The following NTRK3 variants were observed in gnomAD, a reference collection of about 807,000 sequenced individuals.
NTRK3 encodes neurotrophic receptor tyrosine kinase 3.
NTRK3 carries 24 observed loss-of-function variants against 91.7 expected under a neutral mutation model. The observed-to-expected ratio is 0.26, with a 90% confidence interval of 0.19 to 0.37. The LOEUF is 0.37. NTRK3 is among the 10% of genes least tolerant of loss of function. NTRK3 has a pLI of 1.00. For missense variants in NTRK3, 880 were observed against 1,068.9 expected (o/e 0.82, Z 2.46); for synonymous variants, 483 against 404.0 (o/e 1.20, Z -2.34).
chr15:87,881,954 G>C (rs1567065866), intron 17 of NTRK3, among the ~76,000 whole-genome samples: 1 of 152,122 alleles, frequency 6.6e-6, no homozygotes, highest in Non-Finnish European at 1.5e-5. Context: ...GGAGTGCAGT[G>C]GCGCGATCTC....
At position 88,255,581 on chromosome 15, in the gene NTRK3, A is replaced by T. The variant is rs59628990; in HGVS notation, c.248+325T>A. Reference sequence around the variant, plus strand: ...CTGTTGCTATTTAGTGGGGAGCAAAAAAAAACAATTTGCACCATCGAAACG... The same window carrying T: ...CTGTTGCTATTTAGTGGGGAGCAAATAAAAACAATTTGCACCATCGAAACG... On this transcript the variant is annotated intron_variant, in intron 3 of 18. Transcript: ENST00000394480. This position sits in a 1 kb window ranked among gnomAD's most constrained non-coding sequence, Gnocchi z 4.3. Among the ~76,000 whole-genome samples the T allele has an allele frequency of 0.15, 23,279 of 152,022 alleles. 2,261 individuals carry two copies. Among genetic ancestry groups the T allele is most frequent in the African/African-American group, 0.27 (11,045 of 41,460 alleles).
intron 14 of NTRK3, among the ~76,000 whole-genome samples, chr15:87,987,717 C>T (rs568228443): frequency 6.6e-6 from 1 of 151,854 alleles, no homozygotes; most frequent in Admixed American, 6.6e-5. Flanking sequence ...AATGTATTCA[C>T]CTTTCCCTTT....
intron 13 of NTRK3, among the ~76,000 whole-genome samples, chr15:88,042,520 C>T (rs1442822100): frequency 1.3e-5 from 2 of 152,220 alleles, no homozygotes; most frequent in South Asian, 2.1e-4. Context: ...CGCACTTCTC[C>T]GCTCCTCTCC....
At chr15:88,074,536 C>G (rs558453294) in intron 13 of NTRK3, among the ~76,000 whole-genome samples, 23 of 152,344 alleles carry the variant, frequency 1.5e-4, no homozygotes, top group Admixed American at 1.4e-3. Context: ...ATGACTCAAG[C>G]TCCGAGAGAA....
At chr15:88,147,532 T>G in intron 5 of NTRK3, 129 bp from the exon 6 acceptor site, 1 of 668,498 alleles carries the variant, frequency 1.5e-6, no homozygotes, top group South Asian at 1.7e-5. Flanking sequence ...TTCTTCTTCT[T>G]CTTCTTCTTC....
rs982022669 is a variant in NTRK3, at chr15:88,240,091, G to A, written c.248+15815C>T. On this transcript the variant is annotated intron_variant, in intron 3 of 18. Transcript: ENST00000394480. This position sits in a 1 kb window ranked among gnomAD's most constrained non-coding sequence, Gnocchi z 4.9. ...ACACACACAGGAACAAGGTTCCCACGCACCTGTGTGCAGGAGCACAGCCCC... is the reference window on the plus strand; with the variant it reads ...ACACACACAGGAACAAGGTTCCCACACACCTGTGTGCAGGAGCACAGCCCC... Among the ~76,000 whole-genome samples the A allele has an allele frequency of 6.6e-6, 1 of 151,444 alleles. No individual in the cohort carries two copies. Among genetic ancestry groups the A allele is most frequent in the Non-Finnish European group, 1.5e-5 (1 of 67,892 alleles).
intron 3 of NTRK3, among the ~76,000 whole-genome samples, chr15:88,230,940 C>A (rs1322640808): frequency 6.6e-6 from 1 of 152,222 alleles, no homozygotes; most frequent in Admixed American, 6.5e-5. Flanking sequence ...GTAGCCATGG[C>A]AGAATGGGCT....
chr15:88,066,323 G>C (rs765342004), intron 13 of NTRK3, among the ~76,000 whole-genome samples: 8 of 152,168 alleles, frequency 5.3e-5, no homozygotes, highest in African/African-American at 9.7e-5. Context: ...TCTGGGAAAG[G>C]AGAGTAAGAT....
At chr15:88,061,826 C>A (rs1266628927) in intron 13 of NTRK3, among the ~76,000 whole-genome samples, 1 of 152,272 alleles carries the variant, frequency 6.6e-6, no homozygotes, top group East Asian at 1.9e-4. Flanking sequence ...CAGAGCTGGG[C>A]TTGGGACTCA....
At chr15:88,024,890 G>A (rs917228760) in intron 14 of NTRK3, among the ~76,000 whole-genome samples, 1 of 152,256 alleles carries the variant, frequency 6.6e-6, no homozygotes, top group African/African-American at 2.4e-5. Context: ...CAGTCTTTTA[G>A]TAAACATGGC....
chr15:87,996,353 C>T (rs1056397255), intron 14 of NTRK3, among the ~76,000 whole-genome samples: 5 of 152,050 alleles, frequency 3.3e-5, no homozygotes, highest in Non-Finnish European at 5.9e-5. Flanking sequence ...CTGGGTTAAA[C>T]GGTGACAGTA....
intron 3 of NTRK3, among the ~76,000 whole-genome samples, chr15:88,254,461 G>T (rs2053783988): frequency 6.6e-6 from 1 of 152,164 alleles, no homozygotes; most frequent in African/African-American, 2.4e-5. Context: ...TGAGATATGG[G>T]TCAAGCTTGT....
At chr15:87,911,847 G>C (rs1447165167) in intron 17 of NTRK3, among the ~76,000 whole-genome samples, 4 of 152,236 alleles carry the variant, frequency 2.6e-5, no homozygotes, top group Admixed American at 2.0e-4. Flanking sequence ...TAGGTACAAG[G>C]GTTATATAAT....
rs1232250402 is a variant in NTRK3 at position 87,886,685 on chromosome 15, T to C, written c.2134-6257A>G. ...AAAATCCCACTTTTTGCTATATATA[T>C]ATATATATATATATACATATATACA... is the stretch of plus-strand genomic sequence containing the variant. On this transcript the variant is annotated intron_variant, in intron 17 of 18. Transcript: ENST00000394480. 3.0e-5 allele frequency among the ~76,000 whole-genome samples: 4 copies of C among 134,544 alleles called. No individual in the cohort carries two copies. In the East Asian group the frequency reaches 6.1e-4, roughly 21 times the overall value. 88.3% of individuals were successfully genotyped at this position (134,544 alleles called of 152,430 possible). A position where few individuals can be genotyped will look rare whatever the true frequency, so the allele number is the denominator to read the frequency against.
At chr15:87,982,168 T>G (rs1409995712) in intron 14 of NTRK3, among the ~76,000 whole-genome samples, 1 of 152,154 alleles carries the variant, frequency 6.6e-6, no homozygotes, top group African/African-American at 2.4e-5. Context: ...GATCTGAAGT[T>G]TGTTTTCTCT....
chr15:88,109,361 C>T (rs2051072134), intron 13 of NTRK3, among the ~76,000 whole-genome samples: 1 of 152,186 alleles, frequency 6.6e-6, no homozygotes, highest in African/African-American at 2.4e-5. Context: ...TCACCAACCT[C>T]GAATCGTGGT....
At chr15:88,156,548 A>T (rs1237595663) in intron 5 of NTRK3, among the ~76,000 whole-genome samples, 1 of 151,800 alleles carries the variant, frequency 6.6e-6, no homozygotes, top group Non-Finnish European at 1.5e-5. Flanking sequence ...CCTTAGAGCT[A>T]GCTCCCTGGC....
chr15:88,002,787 C>A (rs2076210855), intron 14 of NTRK3, among the ~76,000 whole-genome samples: 1 of 150,736 alleles, frequency 6.6e-6, no homozygotes, highest in Non-Finnish European at 1.5e-5. Context: ...TTAAAACAAG[C>A]ATGACTAACC....
At chr15:87,922,525 A>G (rs1355363718) in intron 17 of NTRK3, among the ~76,000 whole-genome samples, 3 of 152,176 alleles carry the variant, frequency 2.0e-5, no homozygotes, top group African/African-American at 4.8e-5. Context: ...GGCCATAAAT[A>G]TCTTTAGGAT....
Sources: gnomAD v4.1 joint callset for allele counts (sites outside exome capture counted in the v4.1 genomes callset) on GRCh38, gnomAD v4.1.1 for gene constraint, Gnocchi (gnomAD v3.1) non-coding constraint, MANE v1.5 for transcripts, NCBI Gene and HGNC (gene_info 2026-07-23, HGNC 2026-07-21) for gene names.